Variants in DAB2IP observed in about 807,000 individuals in gnomAD.
The protein encoded by DAB2IP is disabled homolog 2-interacting protein.
In DAB2IP, 28 loss-of-function variants were observed where a neutral mutation model predicts 107.2. The ratio of observed to expected loss-of-function variants is 0.26; its 90% CI spans 0.19 to 0.36. DAB2IP has a LOEUF of 0.36. Among genes scored for constraint, DAB2IP ranks in the 10% least tolerant of loss-of-function variants. The pLI is 1.00. For synonymous variants in DAB2IP, 755 were observed against 706.4 expected (o/e 1.07, Z -1.09); for missense variants, 1,400 against 1,644.7 (o/e 0.85, Z 2.57).
chr9:121,604,463 A>T (rs1329480739), intron 1 of DAB2IP, among the ~76,000 whole-genome samples: 1 of 152,086 alleles, frequency 6.6e-6, no homozygotes, highest in Non-Finnish European at 1.5e-5. Flanking sequence ...ATCAAAGCCA[A>T]GCTCCCTGGC....
At chr9:121,682,812 G>T (rs572521072) in intron 2 of DAB2IP, among the ~76,000 whole-genome samples, 3 of 152,166 alleles carry the variant, frequency 2.0e-5, no homozygotes, top group Non-Finnish European at 2.9e-5. Flanking sequence ...TTTGTGGCTT[G>T]CTCAGGAGTG....
At chr9:121,642,021 C>CTTTCTT (rs1554718274) in intron 1 of DAB2IP, among the ~76,000 whole-genome samples, 11 of 12,488 alleles carry the variant, frequency 8.8e-4, no homozygotes, top group Non-Finnish European at 1.0e-3. Flanking sequence ...CTCTCTCTCT[C>CTTTCTT]TCTCTCTCTC....
At chr9:121,705,400 GAC>G (rs1245956228) in intron 3 of DAB2IP, among the ~76,000 whole-genome samples, 1 of 152,238 alleles carries the variant, frequency 6.6e-6, no homozygotes, top group African/African-American at 2.4e-5. Context: ...TATGGGGTGA[GAC>G]TGTATAAAGT....
chr9:121,671,031 G>A (rs1833659207), intron 1 of DAB2IP, among the ~76,000 whole-genome samples: 1 of 152,126 alleles, frequency 6.6e-6, no homozygotes, highest in Non-Finnish European at 1.5e-5. Flanking sequence ...CACACCTGTA[G>A]TCCCAGCTAC....
At chr9:121,774,924 G>T (rs1835087189) in intron 13 of DAB2IP, among the ~76,000 whole-genome samples, 1 of 152,210 alleles carries the variant, frequency 6.6e-6, no homozygotes, top group African/African-American at 2.4e-5. Context: ...GCCTGGGAAA[G>T]AAACAGCAGT....
intron 1 of DAB2IP, among the ~76,000 whole-genome samples, chr9:121,672,480 T>A (rs1833723716): frequency 6.6e-6 from 1 of 152,238 alleles, no homozygotes; most frequent in Non-Finnish European, 1.5e-5. Context: ...GCCAGCAGCA[T>A]TTGAATGAAA....
chr9:121,585,934 C>T (rs556587849), intron 1 of DAB2IP, among the ~76,000 whole-genome samples: 36 of 152,274 alleles, frequency 2.4e-4, no homozygotes, highest in Middle Eastern at 3.4e-3. Flanking sequence ...TAACTTGACC[C>T]GATCCTAACC....
chr9:121,628,042 G>A (rs1039996989), intron 1 of DAB2IP, among the ~76,000 whole-genome samples: 19 of 152,192 alleles, frequency 1.2e-4, no homozygotes, highest in Non-Finnish European at 2.1e-4. Context: ...TTAGGAAAGT[G>A]GTCATTGCTA....
intron 3 of DAB2IP, among the ~76,000 whole-genome samples, chr9:121,748,986 G>A (rs1049784838): frequency 2.2e-4 from 34 of 152,328 alleles, no homozygotes; most frequent in African/African-American, 7.5e-4. Flanking sequence ...CTTGGCCTGA[G>A]GGAACCCTGG....
At position 121,733,716 on chromosome 9, in the gene DAB2IP, G is replaced by C. The variant is rs191493360; in HGVS notation, c.363-23297G>C. 2.3e-3 allele frequency among the ~76,000 whole-genome samples: 350 copies of C among 152,332 alleles called. 3 individuals carry two copies. The highest frequency in any genetic ancestry group is 8.0e-3 in the African/African-American group (331 of 41,572). On this transcript the variant is annotated intron_variant, in intron 3 of 15. Transcript: ENST00000408936. Reference sequence around the variant, plus strand: ...TCCTGTGCCCGGGGCCACTGGGAAGGCTTCCCTCAGGTGGGGGCAGTTGAG... The same window carrying C: ...TCCTGTGCCCGGGGCCACTGGGAAGCCTTCCCTCAGGTGGGGGCAGTTGAG...
At chr9:121,676,932 T>C (rs1170378702) in intron 1 of DAB2IP, among the ~76,000 whole-genome samples, 1 of 152,174 alleles carries the variant, frequency 6.6e-6, no homozygotes, top group Non-Finnish European at 1.5e-5. Flanking sequence ...TTGGACAGAC[T>C]CAGGAGGTTT....
At chr9:121,732,881 C>T (rs368478701) in intron 3 of DAB2IP, among the ~76,000 whole-genome samples, 17 of 152,238 alleles carry the variant, frequency 1.1e-4, no homozygotes, top group Admixed American at 2.0e-4. Flanking sequence ...CTGTAAAATA[C>T]CTAGCGCTGG....
intron 1 of DAB2IP, among the ~76,000 whole-genome samples, chr9:121,607,934 A>G (rs1433667378): frequency 2.0e-5 from 3 of 152,246 alleles, no homozygotes; most frequent in African/African-American, 7.2e-5. Flanking sequence ...GCCAGAAGAC[A>G]TAATGGAAGC....
chr9:121,587,775 G>T (rs1830339557), intron 1 of DAB2IP, among the ~76,000 whole-genome samples: 1 of 152,026 alleles, frequency 6.6e-6, no homozygotes, highest in African/African-American at 2.4e-5. Flanking sequence ...TGAGAGTGTG[G>T]GAGACCCACT....
At position 121,780,568 on chromosome 9, in the gene DAB2IP, A is replaced by G. The variant is rs78632373; in HGVS notation, c.3315-896A>G. Among the ~76,000 whole-genome samples the G allele has an allele frequency of 0.023, 3,456 of 152,198 alleles. 199 individuals carry two copies. The East Asian group carries it at 0.25, about 11-fold the overall frequency. Reference sequence around the variant, plus strand: ...GGCTCATCTAAGAGTGTGTGGAGCAAGGAGAAGGGAGGCTGAGGCCAAAGC... The same window carrying G: ...GGCTCATCTAAGAGTGTGTGGAGCAGGGAGAAGGGAGGCTGAGGCCAAAGC... On this transcript the variant is annotated intron_variant, in intron 14 of 15. Coordinates refer to ENST00000408936, the Ensembl canonical transcript of DAB2IP.
chr9:121,587,862 C>T (rs1464363618), intron 1 of DAB2IP, among the ~76,000 whole-genome samples: 2 of 151,964 alleles, frequency 1.3e-5, no homozygotes, highest in African/African-American at 2.4e-5. Context: ...AAGTGTGTCC[C>T]AAATATTGCA....
At chr9:121,693,244 G>A (rs1314363153) in intron 2 of DAB2IP, among the ~76,000 whole-genome samples, 1 of 152,184 alleles carries the variant, frequency 6.6e-6, no homozygotes, top group Non-Finnish European at 1.5e-5. Context: ...TCTCCTCAGT[G>A]TCACTGGCCT....
At chr9:121,645,420 C>A (rs1832501533) in intron 1 of DAB2IP, among the ~76,000 whole-genome samples, 1 of 152,186 alleles carries the variant, frequency 6.6e-6, no homozygotes, top group Non-Finnish European at 1.5e-5. Context: ...GGGCAGAAGG[C>A]AGCAGGCATT....
chr9:121,773,234 G>A, exon 12 of DAB2IP: 1 of 1,554,894 alleles, frequency 6.4e-7, no homozygotes, highest in Admixed American at 1.9e-5. Flanking sequence ...AAGGCGGGCA[G>A]CCCACGGTGC....
Sources: allele counts gnomAD v4.1 joint callset (sites outside exome capture counted in the v4.1 genomes callset), GRCh38; gene constraint gnomAD v4.1.1; transcripts MANE v1.5; gene names NCBI Gene and HGNC (gene_info 2026-07-23, HGNC 2026-07-21).